MAPK10: variants seen among roughly 807,000 people sequenced by gnomAD.
The protein encoded by MAPK10 is mitogen-activated protein kinase 10.
In MAPK10, 25 loss-of-function variants were observed where a neutral mutation model predicts 59.3. The ratio of observed to expected loss-of-function variants is 0.42; its 90% confidence interval spans 0.31 to 0.59. The LOEUF is 0.59. MAPK10 is among the 20% of genes least tolerant of loss of function. MAPK10 has a pLI of 0.15. For synonymous variants in MAPK10, 190 were observed against 200.5 expected, an observed-to-expected ratio of 0.95 and a Z score of 0.44; for missense variants, 351 against 568.9, an observed-to-expected ratio of 0.62 and a Z score of 3.90.
chr4:86,240,997 T>G (rs1041314947), intron 2 of MAPK10, among the ~76,000 whole-genome samples: 3 of 152,220 alleles, frequency 2.0e-5, no homozygotes, highest in African/African-American at 7.2e-5. Flanking sequence ...TCATATTTAG[T>G]GCTTCTTTCA....
At chr4:86,262,206 T>A (rs1245159920) in intron 2 of MAPK10, among the ~76,000 whole-genome samples, 1 of 152,182 alleles carries the variant, frequency 6.6e-6, no homozygotes, top group Non-Finnish European at 1.5e-5. Context: ...GGGTTAGCTA[T>A]CACAGGAGTG....
At chr4:86,370,519 A>T (rs186361631) in intron 1 of MAPK10, among the ~76,000 whole-genome samples, 2 of 152,330 alleles carry the variant, frequency 1.3e-5, no homozygotes, top group Admixed American at 6.5e-5. Context: ...GATTAGAAAA[A>T]GAAATCTGAG....
chr4:86,107,133 G>C (rs2056690252), intron 5 of MAPK10, 90 bp downstream of exon 5: 1 of 1,026,994 alleles, frequency 9.7e-7, no homozygotes, highest in Admixed American at 2.3e-5. Context: ...GCAAAGCAAA[G>C]AAAGCCTTTC....
chr4:86,380,233 A>G (rs964467147), intron 1 of MAPK10, among the ~76,000 whole-genome samples: 3 of 152,066 alleles, frequency 2.0e-5, no homozygotes, highest in Non-Finnish European at 4.4e-5. Flanking sequence ...AAAAAAGAAC[A>G]AAAACAAACA....
At chr4:86,391,816 T>G (rs1359600340) in intron 1 of MAPK10, among the ~76,000 whole-genome samples, 1 of 152,200 alleles carries the variant, frequency 6.6e-6, no homozygotes, top group African/African-American at 2.4e-5. Flanking sequence ...CAGCATGCAT[T>G]CACACTTACT....
chr4:86,046,236 C>T (rs574786488), intron 11 of MAPK10, among the ~76,000 whole-genome samples: 43 of 151,772 alleles, frequency 2.8e-4, no homozygotes, highest in Non-Finnish European at 5.7e-4. Context: ...AATATGCAAT[C>T]ATGTCATCTG....
At chr4:86,503,759 C>T (rs934558876) in intron 1 of MAPK10, among the ~76,000 whole-genome samples, 1 of 152,104 alleles carries the variant, frequency 6.6e-6, no homozygotes, top group African/African-American at 2.4e-5. Context: ...TAAAAAATCT[C>T]ATTTGGGGTA....
intron 2 of MAPK10, among the ~76,000 whole-genome samples, chr4:86,240,404 G>T (rs1275338512): frequency 6.6e-6 from 1 of 152,140 alleles, no homozygotes; most frequent in African/African-American, 2.4e-5. Context: ...AAATATCCTT[G>T]TTAATTTTCT....
intron 2 of MAPK10, among the ~76,000 whole-genome samples, chr4:86,350,033 T>C (rs1211470113): frequency 6.6e-6 from 1 of 152,022 alleles, no homozygotes; most frequent in Non-Finnish European, 1.5e-5. Flanking sequence ...TGGGGATGGA[T>C]GGGAGTATGA....
chr4:86,316,156 T>C (rs987183674), intron 2 of MAPK10, among the ~76,000 whole-genome samples: 6 of 152,128 alleles, frequency 3.9e-5, no homozygotes, highest in African/African-American at 1.4e-4. Flanking sequence ...GCAAATCATA[T>C]CAAACACTAC....
chr4:86,286,933 T>C (rs1422725560), intron 2 of MAPK10, among the ~76,000 whole-genome samples: 1 of 152,184 alleles, frequency 6.6e-6, no homozygotes, highest in Non-Finnish European at 1.5e-5. Context: ...AGAGAGCATG[T>C]TTGAGCCTGT....
chr4:86,445,718 G>T (rs1423183793), intron 1 of MAPK10, among the ~76,000 whole-genome samples: 2 of 151,626 alleles, frequency 1.3e-5, no homozygotes, highest in African/African-American at 2.4e-5. Context: ...AAAAGACGAG[G>T]GTTAAATATT....
At chr4:86,201,097 A>T (rs1480255096) in intron 2 of MAPK10, among the ~76,000 whole-genome samples, 1 of 151,708 alleles carries the variant, frequency 6.6e-6, no homozygotes, top group Non-Finnish European at 1.5e-5. Context: ...AACATGCAAC[A>T]TTTGTCTTTT....
intron 11 of MAPK10, among the ~76,000 whole-genome samples, chr4:86,060,278 C>G (rs185497668): frequency 2.6e-5 from 4 of 152,316 alleles, no homozygotes; most frequent in East Asian, 1.9e-4. Context: ...GAACTCACAT[C>G]TCCCTCTCCT....
At position 86,272,420 on chromosome 4, in the gene MAPK10, A is replaced by T. The variant is rs574822927; in HGVS notation, c.-6-78013T>A. 5.8e-3 allele frequency among the ~76,000 whole-genome samples: 881 copies of T among 151,872 alleles called. 6 individuals carry two copies. The highest frequency in any genetic ancestry group is 0.02 in the African/African-American group (829 of 41,430). On this transcript the variant is annotated intron_variant, in intron 2 of 13. Transcript: ENST00000641462. Reference sequence around the variant, plus strand: ...TATCTCAAGGTAAAAAATATATATTATTTTTTCTAAATGTTTTATGATTTT... The same window carrying T: ...TATCTCAAGGTAAAAAATATATATTTTTTTTTCTAAATGTTTTATGATTTT...
chr4:86,559,363 A>C (rs534587132), intron 1 of MAPK10, among the ~76,000 whole-genome samples: 1 of 151,720 alleles, frequency 6.6e-6, no homozygotes, highest in African/African-American at 2.4e-5. Context: ...CTATTGAGAG[A>C]TATCTCTGTT....
At position 86,017,550 on chromosome 4, in the gene MAPK10, G is replaced by A. The variant is rs1236871871; in HGVS notation, c.1253-180C>T. ...ATCAAATGGTGACAATCAAGACATA[G>A]CAATAAAAAGTCCTTCATCACAAGT... On this transcript the variant is annotated intron_variant, in intron 13 of 13. Coordinates refer to ENST00000641462, the MANE Select transcript of MAPK10 (RefSeq NM_138982.4). This position sits in a 1 kb window ranked among gnomAD's most constrained non-coding sequence, Gnocchi z 4.4. Among the ~76,000 whole-genome samples the A allele has an allele frequency of 3.9e-5, 6 of 152,066 alleles. No individual in the cohort carries two copies. The highest frequency in any genetic ancestry group is 1.4e-4 in the African/African-American group (6 of 41,400).
intron 2 of MAPK10, among the ~76,000 whole-genome samples, chr4:86,304,393 T>C (rs867430898): frequency 0.25 from 34,918 of 138,096 alleles, 4,028 homozygotes; most frequent in Non-Finnish European, 0.32. Context: ...ATTTCTTTTT[T>C]TTTTTTTTTT....
intron 1 of MAPK10, among the ~76,000 whole-genome samples, chr4:86,477,131 G>A (rs190132264): frequency 6.6e-6 from 1 of 152,244 alleles, no homozygotes; most frequent in Non-Finnish European, 1.5e-5. Flanking sequence ...TCTCACAGTG[G>A]AGGGTAAGTC....
Sources: allele counts gnomAD v4.1 joint callset (sites outside exome capture counted in the v4.1 genomes callset), GRCh38; gene constraint gnomAD v4.1.1; non-coding constraint Gnocchi (gnomAD v3.1); transcripts MANE v1.5; gene names NCBI Gene and HGNC (gene_info 2026-07-23, HGNC 2026-07-21).